The following PSMB2 variants were observed in gnomAD, a reference collection of about 807,000 sequenced individuals.
PSMB2 encodes the protein proteasome subunit beta type-2.
A neutral mutation model predicts 25.7 loss-of-function variants in PSMB2; 13 were observed. The observed-to-expected ratio is 0.51, with a 90% CI of 0.33 to 0.80. The LOEUF is 0.80. Ranked by LOEUF, PSMB2 falls within the 30% of genes least tolerant of loss-of-function variation. The probability of loss-of-function intolerance (pLI) is 0.02; values close to 1 mark genes in which losing one functional copy is unlikely to be tolerated. For missense variants in PSMB2, 202 were observed against 259.0 expected (o/e 0.78, Z 1.51); for synonymous variants, 87 against 96.2 (o/e 0.90, Z 0.56).
At chr1:35,629,135 A>T (rs1200130836) in intron 3 of PSMB2, among the ~76,000 whole-genome samples, 1 of 152,222 alleles carries the variant, frequency 6.6e-6, no homozygotes, top group Non-Finnish European at 1.5e-5. Context: ...AGATTAAATT[A>T]TTAAGCAAAA....
At chr1:35,641,112 C>T (rs1206833917) in intron 1 of PSMB2, among the ~76,000 whole-genome samples, 1 of 152,132 alleles carries the variant, frequency 6.6e-6, no homozygotes, top group Non-Finnish European at 1.5e-5. Flanking sequence ...ATCGCTTGAA[C>T]CCGGGAGACA....
intron 4 of PSMB2, among the ~76,000 whole-genome samples, chr1:35,606,175 C>T (rs968324573): frequency 4.6e-5 from 7 of 152,150 alleles, no homozygotes; most frequent in Non-Finnish European, 7.4e-5. Context: ...AGCACAAAAG[C>T]ATCCCTGTGT....
intron 3 of PSMB2, among the ~76,000 whole-genome samples, chr1:35,615,067 T>A (rs999983771): frequency 6.6e-6 from 1 of 152,234 alleles, no homozygotes; most frequent in African/African-American, 2.4e-5. Flanking sequence ...TGATATATTG[T>A]AATAATGCAG....
chr1:35,629,467 A>C (rs1415550208), intron 3 of PSMB2, among the ~76,000 whole-genome samples: 1 of 152,224 alleles, frequency 6.6e-6, no homozygotes, highest in Non-Finnish European at 1.5e-5. Flanking sequence ...AGAATAAGTA[A>C]GGAGGAACAA....
rs1329209669 is a variant in PSMB2 at position 35,631,199 on chromosome 1, C to T, written c.285+75G>A. ...GCCAAAAAAGGGCAAAAATACTACTCATGTATAATGAGAATATAAAAGAAG... is the reference window on the plus strand; with the variant it reads ...GCCAAAAAAGGGCAAAAATACTACTTATGTATAATGAGAATATAAAAGAAG... On this transcript the variant is annotated intron_variant, in intron 3 of 5. Transcript: ENST00000373237. 3.4e-6 allele frequency: 5 copies of T among 1,482,398 alleles called. No individual in the cohort carries two copies. The Admixed American group carries it at 8.5e-5, about 25-fold the overall frequency. The allele number at this position is 1,482,398 out of a possible 1,614,324, so 91.8% of individuals were successfully genotyped here.
chr1:35,628,578 GAAAAAAAAA>G (rs67766222), intron 3 of PSMB2, among the ~76,000 whole-genome samples: 5 of 32,958 alleles, frequency 1.5e-4, no homozygotes, highest in East Asian at 1.8e-3. Flanking sequence ...TTTCTTGGAA[GAAAAAAAAA>G]AAAAAAAAAA....
Position 35,631,439 on chromosome 1 carries a change from CT to C in PSMB2, c.215-96del. On this transcript the variant is annotated intron_variant, in intron 2 of 5. Transcript: ENST00000373237. ...TACCCCTGTTCCTAAAGCCCACCAT[CT>C]TTTGTACACTCAGAGTAAACAAAGC... is the stretch of plus-strand genomic sequence containing the variant. The C allele has an allele frequency of 1.9e-6, 3 of 1,568,298 alleles. No homozygotes were observed. The East Asian group carries it at 6.9e-5, about 36-fold the overall frequency.
At chr1:35,637,025 A>G (rs1159545241) in intron 1 of PSMB2, among the ~76,000 whole-genome samples, 1 of 152,250 alleles carries the variant, frequency 6.6e-6, no homozygotes, top group Non-Finnish European at 1.5e-5. Flanking sequence ...TTGAAAATAC[A>G]ATTTAAAGCA....
Position 35,631,340 on chromosome 1 carries a change from A to G in PSMB2, c.219T>C (p.Tyr73=). The change falls in exon 3 of 6, where the codon TAT becomes TAC. Residue 73 remains tyrosine (Y), a synonymous_variant. Coordinates refer to ENST00000373237, the MANE Select transcript of PSMB2 (RefSeq NM_002794.5). ...NVQLYKMRNG[Y]ELSPTAAANF... ...TAGCTGCTGCCGTGGGAGACAATTC[A>G]TATCCTGGTAGAAGAGATAAAGAGT... 7.4e-6 allele frequency: 12 copies of G among 1,614,120 alleles called. No individual in the cohort carries two copies. The highest frequency in any genetic ancestry group is 8.5e-6 in the Non-Finnish European group (10 of 1,179,958).
rs771717789 is a variant in PSMB2 at position 35,631,350 on chromosome 1, A to G, written c.215-6T>C. On this transcript the variant is annotated splice_region_variant and splice_polypyrimidine_tract_variant and intron_variant, in intron 2 of 5. Coordinates refer to ENST00000373237, the MANE Select transcript of PSMB2 (RefSeq NM_002794.5). ...CGTGGGAGACAATTCATATCCTGGT[A>G]GAAGAGATAAAGAGTCATACTTAAA... is the stretch of plus-strand genomic sequence containing the variant. 3.7e-6 allele frequency: 6 copies of G among 1,613,892 alleles called. No individual in the cohort carries two copies. Among genetic ancestry groups the G allele is most frequent in the Non-Finnish European group, 5.1e-6 (6 of 1,179,740 alleles).
intron 2 of PSMB2, among the ~76,000 whole-genome samples, chr1:35,633,126 C>T (rs758378052): frequency 2.4e-4 from 37 of 151,366 alleles, no homozygotes; most frequent in Admixed American, 1.1e-3. Context: ...GAGGCTGAGG[C>T]ACGAGAATCA....
chr1:35,639,348 T>C (rs1427533982), intron 1 of PSMB2, among the ~76,000 whole-genome samples: 4 of 152,130 alleles, frequency 2.6e-5, no homozygotes, highest in Non-Finnish European at 4.4e-5. Flanking sequence ...ATAGGGAAAA[T>C]TGGAATGTGC....
In PSMB2 at chr1:35,602,105, C is replaced by CAG; in HGVS notation, c.*1160_*1161dup. The CAG allele has an allele frequency of 3.9e-6, 1 of 257,060 alleles. No homozygotes were observed. Among genetic ancestry groups the CAG allele is most frequent in the Non-Finnish European group, 6.1e-6 (1 of 164,070 alleles). The allele number at this position is 257,060 out of a possible 1,614,324, so 15.9% of individuals were successfully genotyped here. On this transcript the variant is annotated 3_prime_UTR_variant, in exon 6 of 6. Coordinates refer to ENST00000373237, the MANE Select transcript of PSMB2 (RefSeq NM_002794.5). ...CCCAGCACTGGGAAGCCAAGGCAGG[C>CAG]AGACTGCTTGAGCCCAGGAGTTCAA...
chr1:35,632,917 A>C (rs1380772562), intron 2 of PSMB2, among the ~76,000 whole-genome samples: 1 of 151,212 alleles, frequency 6.6e-6, no homozygotes. Context: ...AAAAATAATA[A>C]TAATAATTTA....
At chr1:35,615,699 C>T (rs2148567060) in intron 3 of PSMB2, among the ~76,000 whole-genome samples, 1 of 152,302 alleles carries the variant, frequency 6.6e-6, no homozygotes, top group African/African-American at 2.4e-5. Context: ...GAGGAATTGA[C>T]AGTCTTCCTT....
At chr1:35,631,663 A>C in intron 2 of PSMB2, 1 of 261,446 alleles carries the variant, frequency 3.8e-6, no homozygotes, top group Admixed American at 5.8e-5. Flanking sequence ...GAACACGAAT[A>C]CACAAGAAGT....
chr1:35,623,595 A>C (rs1650759831), intron 3 of PSMB2, among the ~76,000 whole-genome samples: 1 of 152,200 alleles, frequency 6.6e-6, no homozygotes, highest in Admixed American at 6.5e-5. Flanking sequence ...GCAGCACAAC[A>C]TTTTGTCTCC....
chr1:35,605,127 T>G (rs1309770284), intron 5 of PSMB2, 106 bp downstream of exon 5: 6 of 1,124,346 alleles, frequency 5.3e-6, no homozygotes, highest in Non-Finnish European at 7.9e-6. Context: ...TGGGTATGTA[T>G]TACACCTTCT....
intron 2 of PSMB2, among the ~76,000 whole-genome samples, chr1:35,634,191 T>C (rs1651179696): frequency 1.3e-5 from 2 of 152,234 alleles, no homozygotes; most frequent in South Asian, 4.1e-4. Flanking sequence ...TATGGCACAG[T>C]AAATACTTAT....
Sources: allele counts gnomAD v4.1 joint callset (sites outside exome capture counted in the v4.1 genomes callset), GRCh38; gene constraint gnomAD v4.1.1; transcripts MANE v1.5; gene names NCBI Gene and HGNC (gene_info 2026-07-23, HGNC 2026-07-21).